The following DMD variants were observed in gnomAD, a reference collection of about 807,000 sequenced individuals.
DMD encodes the protein dystrophin, also known as mutant dystrophin.
In DMD, 63 loss-of-function variants were observed where a neutral mutation model predicts 330.1. The ratio of observed to expected loss-of-function variants is 0.19; its 90% CI spans 0.16 to 0.24. The LOEUF is 0.24. DMD is among the 10% of genes least tolerant of loss of function. The pLI, the probability that DMD is intolerant of heterozygous loss-of-function variation, is 1.00. For missense variants in DMD, 3,344 were observed against 2,684.1 expected (o/e 1.25, Z -5.43); for synonymous variants, 1,223 against 959.8 (o/e 1.27, Z -5.07).
At chrX:31,689,218 C>T (rs1441350840) in intron 52 of DMD, among the ~76,000 whole-genome samples, 4 of 106,943 alleles carry the variant, frequency 3.7e-5, no homozygotes, top group East Asian at 3.0e-4. Context: ...ATTTAGAAAA[C>T]CCCATCGTCT....
At chrX:31,211,105 A>C (rs1003519327) in intron 64 of DMD, among the ~76,000 whole-genome samples, 2 of 112,124 alleles carry the variant, frequency 1.8e-5, no homozygotes, top group African/African-American at 6.5e-5. Flanking sequence ...GGAGGAAGGA[A>C]GATAACTTGG....
chrX:31,686,845 G>C (rs1483790712), intron 52 of DMD, among the ~76,000 whole-genome samples: 3 of 112,193 alleles, frequency 2.7e-5, no homozygotes, highest in Non-Finnish European at 3.8e-5. Flanking sequence ...GCATGGCTAA[G>C]GGAGTGGTTG....
chrX:33,051,644 C>CTTTTTTTTTTTTTTTT (rs1569551755), intron 1 of DMD, among the ~76,000 whole-genome samples: 4 of 80,690 alleles, frequency 5.0e-5, no homozygotes, highest in African/African-American at 2.4e-4. Flanking sequence ...TAATTACGCT[C>CTTTTTTTTTTTTTTTT]TATTTTTTTT....
chrX:32,271,930 G>C, intron 43 of DMD, among the ~76,000 whole-genome samples: 1 of 111,601 alleles, frequency 9.0e-6, no homozygotes, highest in African/African-American at 3.2e-5. Flanking sequence ...AGTTTCTCAA[G>C]AAACTTATTC....
intron 47 of DMD, among the ~76,000 whole-genome samples, chrX:31,904,239 A>T (rs1603565566): frequency 8.9e-6 from 1 of 111,883 alleles, no homozygotes; most frequent in East Asian, 2.8e-4. Context: ...TATGACAAAT[A>T]CTTCTCTAAT....
chrX:33,002,850 GAAAAAAAAAAAAAAA>G (rs145168802), intron 2 of DMD, among the ~76,000 whole-genome samples: 2 of 38,759 alleles, frequency 5.2e-5, no homozygotes, highest in African/African-American at 2.1e-4. Context: ...TTTTTTTCTC[GAAAAAAAAAAAAAAA>G]AAAAAAAAAA....
At chrX:32,362,307 C>G (rs747186918) in intron 37 of DMD, among the ~76,000 whole-genome samples, 1 of 111,261 alleles carries the variant, frequency 9.0e-6, no homozygotes, top group Non-Finnish European at 1.9e-5. Flanking sequence ...CACCCTAGAC[C>G]GTGCAGAAGA....
chrX:31,242,819 G>A (rs775766466), intron 63 of DMD, among the ~76,000 whole-genome samples: 1 of 109,021 alleles, frequency 9.2e-6, no homozygotes, highest in Non-Finnish European at 1.9e-5. Context: ...ATGGGTATAC[G>A]TTGGCATTAA....
intron 4 of DMD, among the ~76,000 whole-genome samples, chrX:32,834,263 G>A (rs2079411609): frequency 9.0e-6 from 1 of 111,040 alleles, no homozygotes; most frequent in Non-Finnish European, 1.9e-5. Flanking sequence ...ACAATTTTGT[G>A]TAAGAAATAC....
At chrX:32,890,121 G>T (rs1468547457) in intron 2 of DMD, among the ~76,000 whole-genome samples, 24 of 111,404 alleles carry the variant, frequency 2.2e-4, no homozygotes, top group Admixed American at 2.1e-3. Flanking sequence ...AAAGCAAACC[G>T]GTAATAAATC....
At chrX:33,035,368 G>A (rs1163067955) in intron 1 of DMD, among the ~76,000 whole-genome samples, 1 of 111,049 alleles carries the variant, frequency 9.0e-6, no homozygotes, top group African/African-American at 3.3e-5. Context: ...CTGGCCTAGG[G>A]AATAAATAAT....
At chrX:33,114,701 T>C (rs994856871) in intron 1 of DMD, among the ~76,000 whole-genome samples, 1 of 111,593 alleles carries the variant, frequency 9.0e-6, no homozygotes, top group Non-Finnish European at 1.9e-5. Flanking sequence ...GAAGTTATTA[T>C]TATGAAAACA....
chrX:32,352,372 T>C (rs767531482), intron 37 of DMD, among the ~76,000 whole-genome samples: 11 of 110,904 alleles, frequency 9.9e-5, no homozygotes, highest in African/African-American at 3.6e-4. Flanking sequence ...GTTGCCATAG[T>C]AAAAAACAAA....
Position 31,143,680 on chromosome X carries a change from C to T in DMD, c.10921+2611G>A, listed in dbSNP as rs750664119. 2.7e-5 allele frequency among the ~76,000 whole-genome samples: 3 copies of T among 111,846 alleles called. No individual in the cohort carries two copies. The South Asian group carries it at 1.1e-3, about 43-fold the overall frequency. ...CCATGATCTTTTTAGCTCCACAGAT[C>T]ATCAGGACCACATCCTAATGTGCAC... On this transcript the variant is annotated intron_variant, in intron 76 of 78. Coordinates refer to ENST00000357033, the MANE Select transcript of DMD (RefSeq NM_004006.3).
rs1410831435 is a variant in DMD at position 31,857,391 on chromosome X, A to G, written c.7098+17797T>C. Among the ~76,000 whole-genome samples the G allele has an allele frequency of 5.4e-3, 560 of 103,355 alleles. 8 individuals carry two copies. The highest frequency in any genetic ancestry group is 0.018 in the African/African-American group (515 of 28,242). The allele number at this position is 103,355 out of a possible 115,157, so 89.8% of individuals were successfully genotyped here. On this transcript the variant is annotated intron_variant, in intron 48 of 78. Coordinates refer to ENST00000357033, the MANE Select transcript of DMD (RefSeq NM_004006.3). ...AAGACTCCACCTCGGAAAAAAAAAAAAAAAAAAAAAAAAAAAAAGAGAATA... is the reference window on the plus strand; with the variant it reads ...AAGACTCCACCTCGGAAAAAAAAAAGAAAAAAAAAAAAAAAAAAGAGAATA...
At chrX:33,029,305 A>C (rs1346172887) in intron 1 of DMD, among the ~76,000 whole-genome samples, 1 of 112,322 alleles carries the variant, frequency 8.9e-6, no homozygotes, top group Non-Finnish European at 1.9e-5. Flanking sequence ...ATGAATAAAA[A>C]ATTAAGAGAA....
chrX:31,453,765 C>CAAAAAAAAAAAAAGAAA (rs2065935976), intron 59 of DMD, among the ~76,000 whole-genome samples: 1 of 8,981 alleles, frequency 1.1e-4, no homozygotes, highest in Non-Finnish European at 1.7e-4. Flanking sequence ...AAAAAACAAG[C>CAAAAAAAAAAAAAGAAA]AAAAAAAAAA....
chrX:31,985,328 C>A (rs1368933953), intron 44 of DMD, among the ~76,000 whole-genome samples: 2 of 112,112 alleles, frequency 1.8e-5, no homozygotes, highest in Non-Finnish European at 3.8e-5. Context: ...CCAATTTTAA[C>A]AATATTAAGA....
intron 55 of DMD, among the ~76,000 whole-genome samples, chrX:31,546,677 C>A (rs772893241): frequency 1.8e-5 from 2 of 112,345 alleles, no homozygotes; most frequent in Non-Finnish European, 3.8e-5. Context: ...ATTACCAGGG[C>A]AGCCCTCTAG....
Sources: gnomAD v4.1 joint callset for allele counts (sites outside exome capture counted in the v4.1 genomes callset) on GRCh38, gnomAD v4.1.1 for gene constraint, MANE v1.5 for transcripts, NCBI Gene and HGNC (gene_info 2026-07-23, HGNC 2026-07-21) for gene names.